TMEM232: variants seen among roughly 807,000 people sequenced by gnomAD.
The protein encoded by TMEM232 is transmembrane protein 232.
Under a neutral mutation model 78.8 loss-of-function variants are expected in TMEM232, and 80 were observed. The ratio of observed to expected loss-of-function variants is 1.01; its 90% CI spans 0.85 to 1.22. The LOEUF is 1.22. Among genes scored for constraint, TMEM232 ranks in the 50% most tolerant of loss-of-function variants. TMEM232 has a pLI of 0.00. For missense variants in TMEM232, 881 were observed against 742.2 expected (o/e 1.19, Z -2.17); for synonymous variants, 297 against 254.3 (o/e 1.17, Z -1.60).
intron 2 of TMEM232, among the ~76,000 whole-genome samples, chr5:110,662,283 G>A (rs1393957558): frequency 6.6e-6 from 1 of 152,044 alleles, no homozygotes; most frequent in Non-Finnish European, 1.5e-5. Flanking sequence ...CAATGCCTCT[G>A]TGAACAATAC....
At chr5:110,670,520 A>G (rs1026505102) in intron 1 of TMEM232, among the ~76,000 whole-genome samples, 6 of 152,142 alleles carry the variant, frequency 3.9e-5, no homozygotes, top group Non-Finnish European at 7.4e-5. Flanking sequence ...ATGCTCATGG[A>G]TAGGAAGAAT....
At chr5:110,659,859 CA>C (rs1238730490) in intron 2 of TMEM232, among the ~76,000 whole-genome samples, 6 of 151,166 alleles carry the variant, frequency 4.0e-5, no homozygotes, top group African/African-American at 1.5e-4. Flanking sequence ...ATAAAATGTT[CA>C]AAATACAGTA....
intron 5 of TMEM232, among the ~76,000 whole-genome samples, chr5:110,635,981 C>G (rs1311212731): frequency 6.6e-6 from 1 of 151,906 alleles, no homozygotes; most frequent in Non-Finnish European, 1.5e-5. Context: ...TACTGAAGCA[C>G]TCTTCACAAT....
At chr5:110,536,334 G>T (rs1467614370) in intron 11 of TMEM232, among the ~76,000 whole-genome samples, 2 of 152,148 alleles carry the variant, frequency 1.3e-5, no homozygotes, top group African/African-American at 2.4e-5. Flanking sequence ...GCAGCTCCTT[G>T]GTATTTGAGG....
At chr5:110,461,073 T>A (rs1418134810) in intron 12 of TMEM232, among the ~76,000 whole-genome samples, 2 of 151,420 alleles carry the variant, frequency 1.3e-5, no homozygotes. Flanking sequence ...AAAGGAAGAG[T>A]CACATGTCTC....
chr5:110,602,147 A>C lies in TMEM232; in HGVS notation c.1276+2962T>G, dbSNP rs1180071620. On this transcript the variant is annotated intron_variant, in intron 10 of 13. Transcript: ENST00000455884. The stretch of plus-strand genomic sequence containing the variant: ...TTAAACCTTATACAAAAATTAACTC[A>C]AGATGAGTTAAAGACTTAAATGGAA... 3.3e-5 allele frequency among the ~76,000 whole-genome samples: 5 copies of C among 152,326 alleles called. No individual in the cohort carries two copies. The East Asian group carries it at 9.6e-4, about 29-fold the overall frequency.
rs541491792 is a variant in TMEM232, at chr5:110,642,011, A to C, written c.237+249T>G. Reference sequence around the variant, plus strand: ...AAAAAATATAATTTTCATAATCAAAAATTTATTTGCCAGACTTAACGTTTT... The same window carrying C: ...AAAAAATATAATTTTCATAATCAAACATTTATTTGCCAGACTTAACGTTTT... On this transcript the variant is annotated intron_variant, in intron 3 of 13. Transcript: ENST00000455884. Among the ~76,000 whole-genome samples, 36 of 152,162 alleles carry C rather than the reference A, an allele frequency of 2.4e-4. No homozygotes were observed. The South Asian group carries it at 7.3e-3, about 31-fold the overall frequency.
intron 7 of TMEM232, among the ~76,000 whole-genome samples, chr5:110,623,664 A>G (rs1784065192): frequency 6.6e-6 from 1 of 152,182 alleles, no homozygotes; most frequent in Non-Finnish European, 1.5e-5. Context: ...GCAGTCCAGC[A>G]CTGACTGAGT....
chr5:110,473,890 C>CAAAAAAAAAAAAAAAAAAA (rs61351197), intron 12 of TMEM232, among the ~76,000 whole-genome samples: 1 of 14,228 alleles, frequency 7.0e-5, no homozygotes. Flanking sequence ...AGCCAGACAC[C>CAAAAAAAAAAAAAAAAAAA]AAAAAAAAAA....
At chr5:110,691,165 A>G (rs559574577) in intron 1 of TMEM232, among the ~76,000 whole-genome samples, 90 of 151,424 alleles carry the variant, frequency 5.9e-4, no homozygotes, top group African/African-American at 2.9e-4. Flanking sequence ...AAAAAGAAAG[A>G]AAGGAAGCTT....
chr5:110,714,198 G>C (rs1168559079), intron 1 of TMEM232, among the ~76,000 whole-genome samples: 1 of 152,084 alleles, frequency 6.6e-6, no homozygotes, highest in Non-Finnish European at 1.5e-5. Context: ...TGCAGGGCTG[G>C]AGGCTGTCAA....
intron 12 of TMEM232, among the ~76,000 whole-genome samples, chr5:110,505,609 C>T (rs1368606371): frequency 1.3e-5 from 2 of 152,146 alleles, no homozygotes; most frequent in East Asian, 3.9e-4. Context: ...TGGGTTCAAG[C>T]AATTCTCATG....
intron 2 of TMEM232, among the ~76,000 whole-genome samples, chr5:110,666,251 T>C (rs561589090): frequency 2.6e-5 from 4 of 152,306 alleles, no homozygotes; most frequent in Admixed American, 2.0e-4. Context: ...TTATACTCCA[T>C]TCTTGATGAA....
At chr5:110,714,680 T>C (rs912879274) in intron 1 of TMEM232, among the ~76,000 whole-genome samples, 7 of 152,200 alleles carry the variant, frequency 4.6e-5, no homozygotes, top group African/African-American at 1.7e-4. Flanking sequence ...CACTACCAAA[T>C]AGAATTCAAA....
chr5:110,631,989 G>A (rs893290685), intron 5 of TMEM232, among the ~76,000 whole-genome samples: 5 of 151,632 alleles, frequency 3.3e-5, no homozygotes. Flanking sequence ...GTATGCTGGG[G>A]TACAAGAACA....
Position 110,395,665 on chromosome 5 carries a change from A to G in TMEM232, n.390+2108T>C, listed in dbSNP as rs113446738. On this transcript the variant is annotated intron_variant and non_coding_transcript_variant, in intron 3 of 8. Transcript: ENST00000507188. ...GTATGGGAGTGATACTCTTTATAGC[A>G]TTCTACATCCTGAGCGGAAACTGAA... Among the ~76,000 whole-genome samples the G allele has an allele frequency of 2.5e-4, 38 of 152,310 alleles. 1 individual carries two copies. Among genetic ancestry groups the G allele is most frequent in the African/African-American group, 6.7e-4 (28 of 41,566 alleles).
intron 11 of TMEM232, among the ~76,000 whole-genome samples, chr5:110,532,119 C>T (rs1195682106): frequency 1.3e-5 from 2 of 152,104 alleles, no homozygotes; most frequent in African/African-American, 4.8e-5. Context: ...GCTACAAGTG[C>T]CAAAAATCTG....
chr5:110,691,200 A>G (rs1794082601), intron 1 of TMEM232, among the ~76,000 whole-genome samples: 1 of 152,176 alleles, frequency 6.6e-6, no homozygotes, highest in African/African-American at 2.4e-5. Flanking sequence ...AATGAGTTTA[A>G]AAGCATCATT....
At chr5:110,628,427 G>GA (rs1784686080) in intron 5 of TMEM232, among the ~76,000 whole-genome samples, 1 of 151,700 alleles carries the variant, frequency 6.6e-6, no homozygotes, top group African/African-American at 2.4e-5. Flanking sequence ...ATTCCCTCAT[G>GA]AAAAAAGACC....
Sources: gnomAD v4.1 joint callset for allele counts (sites outside exome capture counted in the v4.1 genomes callset) on GRCh38, gnomAD v4.1.1 for gene constraint, MANE v1.5 for transcripts, NCBI Gene and HGNC (gene_info 2026-07-23, HGNC 2026-07-21) for gene names.